SEMA6A: variants seen among roughly 807,000 people sequenced by gnomAD.
SEMA6A encodes the protein semaphorin-6A.
SEMA6A carries 25 observed loss-of-function variants against 96.8 expected under a neutral mutation model. The observed-to-expected ratio is 0.26, with a 90% CI of 0.19 to 0.36. The LOEUF (loss-of-function observed/expected upper bound fraction) is 0.36, where lower values mean the gene tolerates loss of function less well. Ranked by LOEUF, SEMA6A falls within the 10% of genes least tolerant of loss-of-function variation. SEMA6A has a pLI of 1.00. For synonymous variants in SEMA6A, 612 were observed against 518.0 expected (o/e 1.18, Z -2.46); for missense variants, 1,363 against 1,323.1 (o/e 1.03, Z -0.47).
intron 2 of SEMA6A, among the ~76,000 whole-genome samples, chr5:116,503,328 C>G (rs1036744737): frequency 6.6e-6 from 1 of 152,074 alleles, no homozygotes; most frequent in African/African-American, 2.4e-5. Flanking sequence ...TTATCAGGAG[C>G]CTTACTATAT....
intron 5 of SEMA6A, chr5:116,495,983 C>T: frequency 4.9e-6 from 2 of 406,952 alleles, no homozygotes; most frequent in Non-Finnish European, 9.0e-6. Flanking sequence ...ACTCAGAAGA[C>T]AAGACTCTGG....
At position 116,473,004 on chromosome 5, in the gene SEMA6A, A is replaced by G. The variant is rs1230888344; in HGVS notation, c.1729+69T>C. 1.9e-6 allele frequency: 3 copies of G among 1,538,868 alleles called. No homozygotes were observed. The African/African-American group carries it at 4.1e-5, about 21-fold the overall frequency. ...TTAAGATTTGAACATACTCAAGAGG[A>G]TTAATGAAATAGACATTCTCAGATA... On this transcript the variant is annotated intron_variant, in intron 17 of 18. Coordinates refer to ENST00000343348, the MANE Select transcript of SEMA6A (RefSeq NM_020796.5).
intron 1 of SEMA6A, among the ~76,000 whole-genome samples, chr5:116,559,053 C>G (rs1232385107): frequency 6.6e-6 from 1 of 152,168 alleles, no homozygotes; most frequent in African/African-American, 2.4e-5. Context: ...TCCTCCTGCC[C>G]ATTTTTAACA....
intron 13 of SEMA6A, 82 bp from the exon 14 acceptor site, chr5:116,478,236 C>G: frequency 1.3e-6 from 2 of 1,494,252 alleles, no homozygotes; most frequent in Non-Finnish European, 1.8e-6. Flanking sequence ...CTTCCCAGCC[C>G]ACAAGGCAAT....
At chr5:116,459,333 AATTT>A (rs923046704) in intron 18 of SEMA6A, among the ~76,000 whole-genome samples, 14 of 152,298 alleles carry the variant, frequency 9.2e-5, no homozygotes, top group African/African-American at 3.1e-4. Context: ...TTAAATGAAC[AATTT>A]ATTATATATG....
intron 12 of SEMA6A, 28 bp downstream of exon 12, chr5:116,480,094 A>G: frequency 1.9e-6 from 3 of 1,610,874 alleles, no homozygotes; most frequent in Non-Finnish European, 2.5e-6. Context: ...TAGGAAATCC[A>G]TCAGGACACG....
intron 1 of SEMA6A, among the ~76,000 whole-genome samples, chr5:116,556,320 A>G (rs143316153): frequency 6.6e-6 from 1 of 152,208 alleles, no homozygotes; most frequent in Non-Finnish European, 1.5e-5. Flanking sequence ...TGGCAGAAAG[A>G]TTCATCTGGA....
chr5:116,507,800 A>G (rs1176791713), intron 1 of SEMA6A, among the ~76,000 whole-genome samples: 2 of 152,206 alleles, frequency 1.3e-5, no homozygotes, highest in Non-Finnish European at 2.9e-5. Flanking sequence ...TTTTCCATCT[A>G]CTTGTCTCAG....
rs557222366 is a variant in SEMA6A, at chr5:116,455,458, C to T, written c.1895-7647G>A. Among the ~76,000 whole-genome samples the T allele has an allele frequency of 2.2e-3, 338 of 152,256 alleles. 4 individuals are homozygous for T. The highest frequency in any genetic ancestry group is 7.6e-3 in the African/African-American group (317 of 41,536). On this transcript the variant is annotated intron_variant, in intron 18 of 18. Transcript: ENST00000343348. ...CTTTCATCAGCTTTCTTAAATAAGA[C>T]GAGAAACACAACATCTAAGTGATTT... is the stretch of plus-strand genomic sequence containing the variant.
At chr5:116,504,710 T>G in intron 2 of SEMA6A, 135 bp downstream of exon 2, 1 of 636,724 alleles carries the variant, frequency 1.6e-6, no homozygotes, top group Non-Finnish European at 2.8e-6. Context: ...TAGACTTGAA[T>G]TAGCCACCTT....
At chr5:116,458,419 A>AG (rs1253816913) in intron 18 of SEMA6A, among the ~76,000 whole-genome samples, 1 of 152,108 alleles carries the variant, frequency 6.6e-6, no homozygotes, top group Non-Finnish European at 1.5e-5. Flanking sequence ...AAAGAGACTG[A>AG]GGGAAAAGGG....
intron 11 of SEMA6A, among the ~76,000 whole-genome samples, chr5:116,481,624 C>CA (rs747740489): frequency 6.6e-6 from 1 of 152,104 alleles, no homozygotes; most frequent in Non-Finnish European, 1.5e-5. Flanking sequence ...TCCAGAGGCA[C>CA]ACAACTCCTG....
At position 116,522,006 on chromosome 5, in the gene SEMA6A, T is replaced by C. The variant is rs1580469933; in HGVS notation, c.-38-17024A>G. ...TGATCCAAATAGCTTTGGGTATTTTTAAATATCAGTGCATTCAGTACCCCA... is the reference window on the plus strand; with the variant it reads ...TGATCCAAATAGCTTTGGGTATTTTCAAATATCAGTGCATTCAGTACCCCA... On this transcript the variant is annotated intron_variant, in intron 1 of 18. Transcript: ENST00000343348. 2.0e-5 allele frequency among the ~76,000 whole-genome samples: 3 copies of C among 152,362 alleles called. No individual in the cohort carries two copies. The South Asian group carries it at 6.2e-4, about 32-fold the overall frequency.
rs1019010780 is a variant in SEMA6A at position 116,445,899 on chromosome 5, G to C, written c.*714C>G. 1 of 152,596 alleles carries C rather than the reference G, an allele frequency of 6.6e-6. No individual in the cohort carries two copies. Among genetic ancestry groups the C allele is most frequent in the Non-Finnish European group, 1.5e-5 (1 of 68,038 alleles). 9.5% of individuals were successfully genotyped at this position (152,596 alleles called of 1,614,324 possible). On this transcript the variant is annotated 3_prime_UTR_variant, in exon 19 of 19. Transcript: ENST00000343348. ...GAGTCCTTTCCTTAAGGAAAAAAAGGGTGAACAATAAATAAAGAGTTACTT... is the reference window on the plus strand; with the variant it reads ...GAGTCCTTTCCTTAAGGAAAAAAAGCGTGAACAATAAATAAAGAGTTACTT...
chr5:116,524,789 G>GAC (rs1379145592), intron 1 of SEMA6A, among the ~76,000 whole-genome samples: 123 of 130,658 alleles, frequency 9.4e-4, no homozygotes, highest in Non-Finnish European at 1.5e-3. Flanking sequence ...CACACACACA[G>GAC]ACACACACAC....
chr5:116,572,423 G>T (rs1761258053), intron 1 of SEMA6A, among the ~76,000 whole-genome samples: 1 of 152,210 alleles, frequency 6.6e-6, no homozygotes, highest in African/African-American at 2.4e-5. Context: ...ATACAGGCCG[G>T]AGACTCCCTG....
chr5:116,458,393 A>C (rs1181123489), intron 18 of SEMA6A, among the ~76,000 whole-genome samples: 2 of 152,134 alleles, frequency 1.3e-5, no homozygotes, highest in Non-Finnish European at 2.9e-5. Flanking sequence ...TGTAGAAAAG[A>C]TGGGAGAGAA....
intron 18 of SEMA6A, among the ~76,000 whole-genome samples, chr5:116,458,000 A>C (rs747941331): frequency 6.6e-6 from 1 of 152,156 alleles, no homozygotes; most frequent in Admixed American, 6.5e-5. Context: ...AAGAGAAGCT[A>C]TTCTCAGGAA....
At position 116,447,662 on chromosome 5, in the gene SEMA6A, C is replaced by A. The variant is rs1262551897; in HGVS notation, c.2044G>T (p.Ala682Ser). The A allele has an allele frequency of 6.2e-7, 1 of 1,613,932 alleles. No individual in the cohort carries two copies. Among genetic ancestry groups the A allele is most frequent in the African/African-American group, 1.3e-5 (1 of 74,950 alleles). ...TCCTTCTCCTTGCGCTGCACCACAG[C>A]CACGTCTTTGCGCCGATGATCACAG... is the stretch of plus-strand genomic sequence containing the variant. ...CVCDHRRKDV[A>S]VVQRKEKELT... The change falls in exon 19 of 19, where the codon GCT (alanine) becomes TCT (serine). Residue 682 changes from alanine (A) to serine (S), a missense_variant. Coordinates refer to ENST00000343348, the MANE Select transcript of SEMA6A (RefSeq NM_020796.5).
Sources: allele counts gnomAD v4.1 joint callset (sites outside exome capture counted in the v4.1 genomes callset), GRCh38; gene constraint gnomAD v4.1.1; transcripts MANE v1.5; gene names NCBI Gene and HGNC (gene_info 2026-07-23, HGNC 2026-07-21).